KIF18B: variants seen among roughly 807,000 people sequenced by gnomAD.
KIF18B encodes kinesin-like protein KIF18B.
KIF18B carries 49 observed loss-of-function variants against 80.9 expected under a neutral mutation model. The observed-to-expected ratio is 0.61, with a 90% CI of 0.48 to 0.77. The LOEUF (loss-of-function observed/expected upper bound fraction) is 0.77. Ranked by LOEUF, KIF18B falls within the 30% of genes least tolerant of loss-of-function variation. The probability of loss-of-function intolerance (pLI) is 0.00; values close to 1 mark genes in which losing one functional copy is unlikely to be tolerated. For missense variants in KIF18B, 994 were observed against 1,127.7 expected, an observed-to-expected ratio of 0.88 and a Z score of 1.70; for synonymous variants, 439 against 463.9, an observed-to-expected ratio of 0.95 and a Z score of 0.69.
chr17:44,935,972 C>A, intron 2 of KIF18B, 60 bp downstream of exon 2: 3 of 1,503,844 alleles, frequency 2.0e-6, no homozygotes, highest in Non-Finnish European at 2.8e-6. Flanking sequence ...CACATGAAAC[C>A]CTTCCCTTAG....
At chr17:44,932,466 T>C (rs577067759) in intron 9 of KIF18B, 2 of 597,044 alleles carry the variant, frequency 3.3e-6, no homozygotes, top group South Asian at 4.2e-5. Flanking sequence ...TAGGCCCTGC[T>C]CTTACGGGCT....
Position 44,936,175 on chromosome 17 carries a change from G to C in KIF18B, c.170C>G (p.Thr57Ser). The change falls in exon 2 of 16, where the codon ACC becomes AGC. Residue 57 changes from threonine (T) to serine (S), a missense_variant. By Grantham distance (58) the Thr-to-Ser change is moderately conservative. Transcript: ENST00000593135. The part of the protein sequence containing the change: ...GGFPGLKWGG[T>S]HDGPKKKGKD... The stretch of plus-strand genomic sequence containing the variant: ...GCCCTTCTTCTTGGGGCCATCATGG[G>C]TGCCACCCCATTTCAGGCCAGGGAA... The C allele has an allele frequency of 1.9e-6, 3 of 1,613,120 alleles. No homozygotes were observed. Among genetic ancestry groups the C allele is most frequent in the Non-Finnish European group, 1.7e-6 (2 of 1,179,646 alleles).
chr17:44,944,210 T>C (rs1398015752), intron 1 of KIF18B, among the ~76,000 whole-genome samples: 4 of 152,166 alleles, frequency 2.6e-5, no homozygotes, highest in East Asian at 1.9e-4. Context: ...TCTTTGCAAC[T>C]ACATTAACGA....
In KIF18B at chr17:44,934,721, C is replaced by T. The variant is rs2052241683; in HGVS notation, c.577-104G>A. 1 of 1,250,936 alleles carries T rather than the reference C, an allele frequency of 8.0e-7. No homozygotes were observed. Among genetic ancestry groups the T allele is most frequent in the South Asian group, 1.5e-5 (1 of 68,480 alleles). The allele number at this position is 1,250,936 out of a possible 1,614,324, so 77.5% of individuals were successfully genotyped here. A position where few individuals can be genotyped will look rare whatever the true frequency, so the allele number is the denominator to read the frequency against. The stretch of plus-strand genomic sequence containing the variant: ...AGAATCTACATCACCCCCTTGCTAC[C>T]ACCACCACTGCTACCACCATCACAG... On this transcript the variant is annotated intron_variant, in intron 4 of 15. Transcript: ENST00000593135. This position sits in a 1 kb window ranked among gnomAD's most constrained non-coding sequence, Gnocchi z 5.4.
At chr17:44,936,555 A>ACTCTCTCTCTCTCTCT (rs59137224) in intron 1 of KIF18B, among the ~76,000 whole-genome samples, 197 bp from the exon 2 acceptor site, 2 of 37,232 alleles carry the variant, frequency 5.4e-5, no homozygotes, top group South Asian at 1.6e-3. Context: ...TACTCAAATG[A>ACTCTCTCTCTCTCTCT]CTCTCTCTCT....
intron 1 of KIF18B, among the ~76,000 whole-genome samples, chr17:44,938,217 T>C (rs2145726808): frequency 6.6e-6 from 1 of 152,348 alleles, no homozygotes; most frequent in African/African-American, 2.4e-5. Context: ...GGTTTTGCCA[T>C]GTTGGCCAGG....
Position 44,934,153 on chromosome 17 carries a change from A to T in KIF18B, c.886-54T>A. ...AGGCGACTGATGGCACTGACCCAGG[A>T]TGGGGCCCTGTGGCCTTTGGCCCTG... is the stretch of plus-strand genomic sequence containing the variant. On this transcript the variant is annotated intron_variant, in intron 6 of 15. Transcript: ENST00000593135. The surrounding 1 kb of genome is among the most constrained non-coding windows in gnomAD (Gnocchi z 5.4). 2 of 1,601,824 alleles carry T rather than the reference A, an allele frequency of 1.2e-6. No homozygotes were observed. Among genetic ancestry groups the T allele is most frequent in the Non-Finnish European group, 1.7e-6 (2 of 1,173,678 alleles).
chr17:44,934,139 G>A lies in KIF18B; in HGVS notation c.886-40C>T. 1 of 1,605,964 alleles carries A rather than the reference G, an allele frequency of 6.2e-7. No homozygotes were observed. Among genetic ancestry groups the A allele is most frequent in the Non-Finnish European group, 8.5e-7 (1 of 1,176,168 alleles). On this transcript the variant is annotated intron_variant, in intron 6 of 15. Transcript: ENST00000593135. This position sits in a 1 kb window ranked among gnomAD's most constrained non-coding sequence, Gnocchi z 5.4. ...GCAGGTGTGGGGTGAGGCGACTGAT[G>A]GCACTGACCCAGGATGGGGCCCTGT...
chr17:44,928,851 GC>G lies in KIF18B; in HGVS notation c.1690del (p.Ala564HisfsTer29), dbSNP rs779064855. On this transcript the variant is annotated frameshift_variant, in exon 12 of 16. Transcript: ENST00000593135. LOFTEE classifies it high-confidence loss of function. ...TGAACACAGCTCCTGAGCCAGAGGT[GC>G]CCCCCTGGCCAGGCCTGAAGTCCTC... ...ALRTSGLARG[A>X]PLAQELCSES... 3 of 1,613,654 alleles carry G rather than the reference GC, an allele frequency of 1.9e-6. No individual in the cohort carries two copies. Among genetic ancestry groups the G allele is most frequent in the African/African-American group, 1.3e-5 (1 of 74,888 alleles).
intron 11 of KIF18B, 103 bp from the exon 12 acceptor site, chr17:44,929,127 G>A: frequency 1.0e-6 from 1 of 993,924 alleles, no homozygotes; most frequent in Non-Finnish European, 1.5e-6. Flanking sequence ...TGGTTGAGGA[G>A]TCTGAACTGG....
intron 9 of KIF18B, 187 bp downstream of exon 9, chr17:44,932,486 T>C (rs1202712607): frequency 3.3e-6 from 2 of 597,216 alleles, no homozygotes; most frequent in Non-Finnish European, 5.9e-6. Flanking sequence ...TGGGGTGCCA[T>C]TTACTCATTG....
intron 15 of KIF18B, 47 bp downstream of exon 15, chr17:44,926,367 C>T (rs1404300746): frequency 6.4e-7 from 1 of 1,554,168 alleles, no homozygotes; most frequent in Admixed American, 2.0e-5. Context: ...TTCTTGTCTT[C>T]ATCGGCCTCC....
At chr17:44,939,824 T>C (rs2052382319) in intron 1 of KIF18B, among the ~76,000 whole-genome samples, 1 of 150,366 alleles carries the variant, frequency 6.7e-6, no homozygotes, top group African/African-American at 2.4e-5. Context: ...TTTATTTTTA[T>C]TTTTTTTTTA....
chr17:44,936,592 CTCTCTCTATATATATA>C (rs1238159986), intron 1 of KIF18B, among the ~76,000 whole-genome samples: 5 of 53,122 alleles, frequency 9.4e-5, no homozygotes, highest in African/African-American at 1.5e-4. Flanking sequence ...CTCTCTCTCT[CTCTCTCTATATATATA>C]TATATATATA....
chr17:44,932,214 G>T lies in KIF18B; in HGVS notation c.1239-8C>A. On this transcript the variant is annotated splice_polypyrimidine_tract_variant and splice_region_variant and intron_variant, in intron 9 of 15. Transcript: ENST00000593135. ...TCTGGGGTGCAGGGCTGGCTGGGAGGGTGGGGTGGCAAGGGGGAGCTGGGA... is the reference window on the plus strand; with the variant it reads ...TCTGGGGTGCAGGGCTGGCTGGGAGTGTGGGGTGGCAAGGGGGAGCTGGGA... The T allele has an allele frequency of 6.3e-7, 1 of 1,576,988 alleles. No homozygotes were observed. Among genetic ancestry groups the T allele is most frequent in the Non-Finnish European group, 8.6e-7 (1 of 1,159,196 alleles).
chr17:44,928,168 G>C lies in KIF18B; in HGVS notation c.2134C>G (p.Pro712Ala). The change falls in exon 13 of 16, where the codon CCG (proline) becomes GCG (alanine). Residue 712 changes from proline (P) to alanine (A), a missense_variant. Physicochemically the swap from Pro to Ala is conservative, Grantham distance 27 (BLOSUM62 -1). Transcript: ENST00000593135. The part of the protein sequence containing the change: ...GPSAMQNCST[P>A]LALPTRDLNA... The stretch of plus-strand genomic sequence containing the variant: ...AGGTCTCGAGTGGGCAGAGCCAGCG[G>C]GGTGGAGCAGTTCTGCATGGCGGAA... The C allele has an allele frequency of 6.2e-7, 1 of 1,610,834 alleles. No individual in the cohort carries two copies. The highest frequency in any genetic ancestry group is 8.5e-7 in the Non-Finnish European group (1 of 1,178,230).
chr17:44,927,127 C>G lies in KIF18B; in HGVS notation c.2277-49G>C. On this transcript the variant is annotated intron_variant, in intron 13 of 15. Transcript: ENST00000593135. This position sits in a 1 kb window ranked among gnomAD's most constrained non-coding sequence, Gnocchi z 4.1. Reference sequence around the variant, plus strand: ...AGGCTGATCAGCAGGGAACCGGAAGCAAGGCCAGCCACTTCCTCCCTCCAG... The same window carrying G: ...AGGCTGATCAGCAGGGAACCGGAAGGAAGGCCAGCCACTTCCTCCCTCCAG... The G allele has an allele frequency of 2.1e-6, 3 of 1,417,532 alleles. No individual in the cohort carries two copies. The highest frequency in any genetic ancestry group is 2.9e-6 in the Non-Finnish European group (3 of 1,034,610). 87.8% of individuals were successfully genotyped at this position (1,417,532 alleles called of 1,614,324 possible). A position where few individuals can be genotyped will look rare whatever the true frequency, so the allele number is the denominator to read the frequency against.
intron 7 of KIF18B, among the ~76,000 whole-genome samples, chr17:44,933,293 T>C (rs1294748589): frequency 6.6e-6 from 1 of 151,728 alleles, no homozygotes; most frequent in African/African-American, 2.4e-5. Context: ...AGAAAGCATA[T>C]ATTGGTGTTT....
Position 44,928,875 on chromosome 17 carries a change from C to T in KIF18B, c.1667G>A (p.Arg556Lys), listed in dbSNP as rs1379870751. The T allele has an allele frequency of 2.5e-6, 4 of 1,613,926 alleles. No individual in the cohort carries two copies. Among genetic ancestry groups the T allele is most frequent in the South Asian group, 1.1e-5 (1 of 91,078 alleles). Reference sequence around the variant, plus strand: ...TGCCCCCCTGGCCAGGCCTGAAGTCCTCAAGGCCTCTGCCCCAGGCTCAAT... The same window carrying T: ...TGCCCCCCTGGCCAGGCCTGAAGTCTTCAAGGCCTCTGCCCCAGGCTCAAT... The part of the protein sequence containing the change: ...EKIEPGAEAL[R>K]TSGLARGAPL... The change falls in exon 12 of 16, where the codon AGG (arginine) becomes AAG (lysine). Residue 556 changes from arginine (R) to lysine (K), a missense_variant. Transcript: ENST00000593135.
Sources: allele counts gnomAD v4.1 joint callset (sites outside exome capture counted in the v4.1 genomes callset), GRCh38; gene constraint gnomAD v4.1.1; non-coding constraint Gnocchi (gnomAD v3.1); transcripts MANE v1.5; gene names NCBI Gene and HGNC (gene_info 2026-07-23, HGNC 2026-07-21).